DCDC2: variants seen among roughly 807,000 people sequenced by gnomAD.
DCDC2 encodes doublecortin domain-containing protein 2.
In DCDC2, 40 loss-of-function variants were observed where a neutral mutation model predicts 50.2. The observed-to-expected ratio is 0.80, with a 90% CI of 0.62 to 1.04. The LOEUF is 1.04. DCDC2 is among the 50% of genes least tolerant of loss of function. The pLI is 0.00. For missense variants in DCDC2, 570 were observed against 581.9 expected (o/e 0.98, Z 0.21); for synonymous variants, 234 against 210.6 (o/e 1.11, Z -0.96).
chr6:24,352,269 G>C (rs1045763806), intron 2 of DCDC2, among the ~76,000 whole-genome samples: 2 of 152,176 alleles, frequency 1.3e-5, no homozygotes, highest in African/African-American at 4.8e-5. Context: ...CGGAAGTCCA[G>C]GTTTCTTCAC....
intron 2 of DCDC2, among the ~76,000 whole-genome samples, chr6:24,313,858 G>A (rs1282856276): frequency 6.6e-6 from 1 of 152,188 alleles, no homozygotes; most frequent in Non-Finnish European, 1.5e-5. Flanking sequence ...AGAGGATTCA[G>A]CAGAGGAGGA....
chr6:24,179,790 TAA>T (rs1318223763), intron 8 of DCDC2, among the ~76,000 whole-genome samples: 1 of 149,130 alleles, frequency 6.7e-6, no homozygotes, highest in Non-Finnish European at 1.5e-5. Context: ...CCATCTCTAC[TAA>T]AAATACAAAA....
At chr6:24,359,214 T>TTATATATTA (rs1189336335), upstream of DCDC2, among the ~76,000 whole-genome samples, 8,407 of 57,962 alleles carry the variant, frequency 0.15, 1,063 homozygotes, top group Non-Finnish European at 0.16. Flanking sequence ...ATTTTATATA[T>TTATATATTA]TATATATTTT....
At chr6:24,312,770 C>T (rs546215231) in intron 2 of DCDC2, among the ~76,000 whole-genome samples, 1 of 152,156 alleles carries the variant, frequency 6.6e-6, no homozygotes, top group Non-Finnish European at 1.5e-5. Context: ...GCCTTTTGTA[C>T]TGTGATCTAA....
chr6:24,245,255 T>C (rs1171867669), intron 7 of DCDC2, among the ~76,000 whole-genome samples: 2 of 152,096 alleles, frequency 1.3e-5, no homozygotes, highest in African/African-American at 2.4e-5. Flanking sequence ...CAAGAGGAAA[T>C]GGACAGAAAC....
intron 7 of DCDC2, among the ~76,000 whole-genome samples, chr6:24,264,358 G>A (rs541225193): frequency 1.3e-5 from 2 of 152,226 alleles, no homozygotes; most frequent in South Asian, 4.1e-4. Context: ...ATTGTGATGT[G>A]TAAACTGGTA....
chr6:24,307,310 G>A (rs1759490895), intron 2 of DCDC2, among the ~76,000 whole-genome samples: 2 of 152,106 alleles, frequency 1.3e-5, no homozygotes, highest in Admixed American at 6.5e-5. Context: ...AAATTGTAAT[G>A]ACCACAAACC....
At chr6:24,316,632 AAT>A (rs1291348817) in intron 2 of DCDC2, among the ~76,000 whole-genome samples, 2 of 152,156 alleles carry the variant, frequency 1.3e-5, no homozygotes, top group African/African-American at 2.4e-5. Flanking sequence ...ATTTTAAATT[AAT>A]ATGTTTTTTC....
intron 7 of DCDC2, among the ~76,000 whole-genome samples, chr6:24,217,690 G>T (rs552408755): frequency 6.6e-6 from 1 of 152,246 alleles, no homozygotes; most frequent in African/African-American, 2.4e-5. Context: ...AGATTAATGT[G>T]CTTTGACTTG....
chr6:24,301,221 A>G (rs187627413), intron 4 of DCDC2, among the ~76,000 whole-genome samples: 66 of 151,880 alleles, frequency 4.3e-4, no homozygotes, highest in Admixed American at 2.2e-3. Context: ...AATACAAAAA[A>G]TTAGCCGGGC....
At chr6:24,191,651 G>A (rs137865806) in intron 8 of DCDC2, among the ~76,000 whole-genome samples, 38 of 152,210 alleles carry the variant, frequency 2.5e-4, no homozygotes, top group Non-Finnish European at 4.3e-4. Flanking sequence ...TCCCTATTGC[G>A]GATTCTAGGA....
At chr6:24,200,250 C>A (rs1464211930) in intron 8 of DCDC2, among the ~76,000 whole-genome samples, 2 of 152,146 alleles carry the variant, frequency 1.3e-5, no homozygotes, top group African/African-American at 2.4e-5. Context: ...ATGTTAAGGG[C>A]AGCCAGAGAG....
At chr6:24,353,165 G>C in intron 2 of DCDC2, 1 of 379,974 alleles carries the variant, frequency 2.6e-6, no homozygotes, top group Non-Finnish European at 5.2e-6. Flanking sequence ...AAAGCCTCAG[G>C]GGCAGTTAGG....
At chr6:24,208,259 T>TG (rs1267870708) in intron 7 of DCDC2, among the ~76,000 whole-genome samples, 1 of 151,972 alleles carries the variant, frequency 6.6e-6, no homozygotes, top group African/African-American at 2.4e-5. Context: ...GACTTACTCA[T>TG]GGCTCAAATC....
At chr6:24,358,512 TAAAAAAAA>T (rs966038766), upstream of DCDC2, among the ~76,000 whole-genome samples, 4 of 75,910 alleles carry the variant, frequency 5.3e-5, no homozygotes, top group African/African-American at 2.4e-4. Flanking sequence ...TCTCTACAAT[TAAAAAAAA>T]AAAAAAAAAA....
intron 2 of DCDC2, among the ~76,000 whole-genome samples, chr6:24,329,033 C>T (rs1004504643): frequency 6.6e-6 from 1 of 152,170 alleles, no homozygotes. Context: ...AAACTTAAGG[C>T]TATTTGTTTC....
At chr6:24,236,962 T>C (rs1185958622) in intron 7 of DCDC2, among the ~76,000 whole-genome samples, 1 of 151,788 alleles carries the variant, frequency 6.6e-6, no homozygotes, top group Non-Finnish European at 1.5e-5. Context: ...TGAGCCAAGA[T>C]TGCACAATTG....
chr6:24,265,818 A>T (rs1195461731), intron 7 of DCDC2, among the ~76,000 whole-genome samples: 1 of 152,008 alleles, frequency 6.6e-6, no homozygotes, highest in Admixed American at 6.6e-5. Flanking sequence ...AAAAAAAAAA[A>T]ATTCATATAC....
chr6:24,298,133 C>T (rs746019217), intron 4 of DCDC2, among the ~76,000 whole-genome samples: 3 of 152,206 alleles, frequency 2.0e-5, no homozygotes, highest in Admixed American at 1.3e-4. Context: ...ATTAGATTCT[C>T]ATAAGGAACA....
Sources: gnomAD v4.1 joint callset for allele counts (sites outside exome capture counted in the v4.1 genomes callset) on GRCh38, gnomAD v4.1.1 for gene constraint, MANE v1.5 for transcripts, NCBI Gene and HGNC (gene_info 2026-07-23, HGNC 2026-07-21) for gene names.